OFD1: variants seen among roughly 807,000 people sequenced by gnomAD.
OFD1 encodes the protein centriole and centriolar satellite protein OFD1.
A neutral mutation model predicts 81.4 loss-of-function variants in OFD1; 12 were observed. The observed-to-expected ratio is 0.15, with a 90% CI of 0.09 to 0.24. The LOEUF (loss-of-function observed/expected upper bound fraction) is 0.24, where lower values mean the gene tolerates loss of function less well. OFD1 is among the 10% of genes least tolerant of loss of function. The pLI is 1.00. For missense variants in OFD1, 685 were observed against 733.9 expected (o/e 0.93, Z 0.77); for synonymous variants, 256 against 263.7 (o/e 0.97, Z 0.28).
the OFD1 span, chrX:13,719,835 C>A: frequency 1.0e-6 from 1 of 959,997 alleles, no homozygotes; most frequent in South Asian, 2.2e-5. Context: ...TCATATTATA[C>A]CATATCATTA....
downstream of OFD1, among the ~76,000 whole-genome samples, chrX:13,770,006 TAATGAATGGGCGTATTTCCTTTGTTTTTA>T (rs1301583658): frequency 8.0e-5 from 9 of 112,250 alleles, no homozygotes; most frequent in East Asian, 8.4e-4. Flanking sequence ...TCCTCATACT[TAATGAATGGGCGTATTTCCTTTGTTTTTA>T]AATGAATGGG....
downstream of OFD1, chrX:13,769,359 T>C (rs2048257990): frequency 5.6e-6 from 2 of 357,770 alleles, no homozygotes; most frequent in Non-Finnish European, 9.8e-6. Context: ...TTTAACCTCC[T>C]TATTTTTGTC....
chrX:13,719,038 T>A, the OFD1 span, among the ~76,000 whole-genome samples: 1 of 110,464 alleles, frequency 9.1e-6, no homozygotes, highest in East Asian at 2.8e-4. Context: ...GCACCTATAA[T>A]CCCAGCTACC....
At chrX:13,723,190 G>C in the OFD1 span, among the ~76,000 whole-genome samples, 1 of 110,668 alleles carries the variant, frequency 9.0e-6, no homozygotes, top group Non-Finnish European at 1.9e-5. Context: ...CACAGTACTA[G>C]ACAGCACAGC....
At chrX:13,727,270 C>T in the OFD1 span, among the ~76,000 whole-genome samples, 6 of 112,112 alleles carry the variant, frequency 5.4e-5, no homozygotes, top group African/African-American at 1.9e-4. Context: ...ATCTACAGAA[C>T]TCTCCACCCC....
chrX:13,748,263 T>G (rs1321084144), intron 8 of OFD1, among the ~76,000 whole-genome samples: 3 of 112,447 alleles, frequency 2.7e-5, no homozygotes, highest in Non-Finnish European at 5.6e-5. Context: ...TTTATTTATC[T>G]GATCATCTGA....
At chrX:13,747,018 C>T (rs1037498215) in intron 8 of OFD1, 65 bp downstream of exon 8, 67 of 995,530 alleles carry the variant, frequency 6.7e-5, no homozygotes, top group Non-Finnish European at 9.1e-5. Context: ...GGCTCGAGAT[C>T]CAGCAACAGG....
chrX:13,714,691 G>C, the OFD1 span, among the ~76,000 whole-genome samples: 3 of 112,392 alleles, frequency 2.7e-5, no homozygotes, highest in African/African-American at 9.7e-5. Context: ...TTATTTTGGT[G>C]TTTTGGTTTT....
chrX:13,762,409 T>C lies in OFD1; in HGVS notation c.2453T>C (p.Phe818Ser). 1 of 1,192,989 alleles carries C rather than the reference T, an allele frequency of 8.4e-7. No individual in the cohort carries two copies. Among genetic ancestry groups the C allele is most frequent in the East Asian group, 3.0e-5 (1 of 33,762 alleles). ...TTTTCAGATGTGGACAAGCTAGCTT[T>C]TAAGGATAATGAGGAGTTTGAATCA... is the stretch of plus-strand genomic sequence containing the variant. ...SEFSDVDKLA[F>S]KDNEEFESSF... The change falls in exon 18 of 23, where the codon TTT (phenylalanine) becomes TCT (serine). Residue 818 changes from phenylalanine (F) to serine (S), a missense_variant. Around this residue, in one of 3 missense-constraint regions of OFD1, gnomAD observed 259 missense variants for 254.4 expected, o/e 1.02. Transcript: ENST00000340096.
chrX:13,717,192 C>A, the OFD1 span, among the ~76,000 whole-genome samples: 38 of 110,946 alleles, frequency 3.4e-4, no homozygotes, highest in Non-Finnish European at 6.8e-4. Context: ...GCGCTTATAA[C>A]GGCCTGCCAG....
intron 10 of OFD1, among the ~76,000 whole-genome samples, chrX:13,752,113 C>T (rs2047526283): frequency 8.9e-6 from 1 of 112,026 alleles, no homozygotes; most frequent in South Asian, 3.7e-4. Flanking sequence ...GCCTTGTATT[C>T]CTTCAAGATT....
At chrX:13,757,961 G>A (rs746746299) in intron 14 of OFD1, among the ~76,000 whole-genome samples, 171 bp downstream of exon 14, 6 of 112,033 alleles carry the variant, frequency 5.4e-5, no homozygotes, top group African/African-American at 1.9e-4. Flanking sequence ...CAGTGATAAC[G>A]TGACTTTATA....
chrX:13,754,524 C>G (rs1357216246), intron 11 of OFD1, among the ~76,000 whole-genome samples: 5 of 107,020 alleles, frequency 4.7e-5, no homozygotes, highest in African/African-American at 1.7e-4. Context: ...TCAAGTGATT[C>G]TTGTGCCTCA....
chrX:13,731,730 T>A (rs781650459), upstream of OFD1, among the ~76,000 whole-genome samples: 1 of 111,902 alleles, frequency 8.9e-6, no homozygotes, highest in African/African-American at 3.3e-5. Flanking sequence ...TCGGAGAACA[T>A]TGGGTGCTCC....
At chrX:13,751,850 T>TA (rs1361517367) in intron 10 of OFD1, among the ~76,000 whole-genome samples, 2 of 111,688 alleles carry the variant, frequency 1.8e-5, no homozygotes, top group South Asian at 3.7e-4. Flanking sequence ...TTAACAACAA[T>TA]AAAAAAATAC....
At chrX:13,721,287 T>C in the OFD1 span, 2 of 112,235 alleles carry the variant, frequency 1.8e-5, no homozygotes, top group Non-Finnish European at 3.8e-5. Context: ...AACTTCCTAA[T>C]GTCCGTTTTC....
At chrX:13,732,517 T>C (rs2046697237), upstream of OFD1, among the ~76,000 whole-genome samples, 1 of 112,974 alleles carries the variant, frequency 8.9e-6, no homozygotes, top group Non-Finnish European at 1.9e-5. Context: ...AGACTAAATG[T>C]GGTCACCAGG....
downstream of OFD1, chrX:13,772,214 G>A (rs11095627): frequency 0.24 from 26,453 of 111,280 alleles, 2,610 homozygotes; most frequent in South Asian, 0.42. Context: ...AAGCTTGTCA[G>A]TGAGTCCAGC....
intron 21 of OFD1, 50 bp downstream of exon 21, chrX:13,768,274 T>G (rs1442368358): frequency 2.1e-6 from 2 of 968,306 alleles, no homozygotes; most frequent in African/African-American, 3.8e-5. Context: ...CATCCAGGGC[T>G]TCCGTGGCTT....
Sources: gnomAD v4.1 joint callset for allele counts (sites outside exome capture counted in the v4.1 genomes callset) on GRCh38, gnomAD v4.1.1 for gene constraint, gnomAD v4.1.1 regional missense constraint, MANE v1.5 for transcripts, NCBI Gene and HGNC (gene_info 2026-07-23, HGNC 2026-07-21) for gene names.